The following KIAA1671 variants were observed in gnomAD, a reference collection of about 807,000 sequenced individuals.
KIAA1671 encodes KIAA1671, also known as uncharacterized protein KIAA1671.
Under a neutral mutation model 131.2 loss-of-function variants are expected in KIAA1671, and 52 were observed. The ratio of observed to expected loss-of-function variants is 0.40; its 90% CI spans 0.32 to 0.50. The LOEUF (loss-of-function observed/expected upper bound fraction) is 0.50. KIAA1671 is among the 20% of genes least tolerant of loss of function. The probability of loss-of-function intolerance (pLI) is 0.73; values close to 1 mark genes in which losing one functional copy is unlikely to be tolerated. For synonymous variants in KIAA1671, 1,003 were observed against 961.6 expected, an observed-to-expected ratio of 1.04 and a Z score of -0.80; for missense variants, 2,360 against 2,364.2, an observed-to-expected ratio of 1.00 and a Z score of 0.04.
intron 6 of KIAA1671, among the ~76,000 whole-genome samples, chr22:25,093,737 A>ACACACTCTCTCT (rs1568950992): frequency 2.7e-4 from 8 of 30,134 alleles, no homozygotes; most frequent in Non-Finnish European, 3.9e-4. Context: ...ACACACACAC[A>ACACACTCTCTCT]CTCTCTCTCT....
chr22:25,028,294 G>A lies in KIAA1671; in HGVS notation c.295G>A (p.Glu99Lys). The A allele has an allele frequency of 6.4e-7, 1 of 1,551,264 alleles. No individual in the cohort carries two copies. Among genetic ancestry groups the A allele is most frequent in the Non-Finnish European group, 8.7e-7 (1 of 1,147,016 alleles). Residue 99 changes from glutamate (E) to lysine (K), a missense_variant, in exon 3 of 13, where the codon GAG (glutamate) becomes AAG (lysine). Coordinates refer to ENST00000358431, the MANE Select transcript of KIAA1671 (RefSeq NM_001145206.2). ...ACCTTCCCCCTCTGGGGGGCTCTCTGAGGAGCCAGCAGCAAAGGATCTGGA... is the reference window on the plus strand; with the variant it reads ...ACCTTCCCCCTCTGGGGGGCTCTCTAAGGAGCCAGCAGCAAAGGATCTGGA... ...TGPSPSGGLS[E>K]EPAAKDLDNR... is the part of the protein sequence containing the mutation.
intron 6 of KIAA1671, among the ~76,000 whole-genome samples, chr22:25,122,566 A>G (rs906674335): frequency 1.3e-5 from 2 of 152,214 alleles, no homozygotes; most frequent in African/African-American, 2.4e-5. Context: ...TGCCACTTCA[A>G]TAAAGCTGTT....
chr22:25,090,871 C>T (rs780373654), intron 6 of KIAA1671, among the ~76,000 whole-genome samples: 1 of 152,182 alleles, frequency 6.6e-6, no homozygotes, highest in East Asian at 1.9e-4. Context: ...ATTGGGAATT[C>T]CATGCTGTGA....
At chr22:24,968,122 A>G (rs1173589352) in intron 1 of KIAA1671, among the ~76,000 whole-genome samples, 1 of 152,214 alleles carries the variant, frequency 6.6e-6, no homozygotes, top group Non-Finnish European at 1.5e-5. Flanking sequence ...TAATGCTTCC[A>G]AGTCCTGCCT....
At position 25,104,983 on chromosome 22, in the gene KIAA1671, C is replaced by T. The variant is rs73159927; in HGVS notation, c.4530+55619C>T. Reference sequence around the variant, plus strand: ...GAATGTTTGTTGAATGAATGAATGACCGACATATTCTGATTTCTTCTTTCT... The same window carrying T: ...GAATGTTTGTTGAATGAATGAATGATCGACATATTCTGATTTCTTCTTTCT... On this transcript the variant is annotated intron_variant, in intron 6 of 12. Transcript: ENST00000358431. 6.2e-3 allele frequency among the ~76,000 whole-genome samples: 948 copies of T among 152,200 alleles called. 7 individuals carry two copies. The highest frequency in any genetic ancestry group is 9.9e-3 in the Non-Finnish European group (674 of 67,998).
intron 6 of KIAA1671, among the ~76,000 whole-genome samples, chr22:25,093,838 G>T (rs8137989): frequency 0.018 from 346 of 19,618 alleles, 69 homozygotes; most frequent in South Asian, 0.031. Context: ...CTCTCTGTCT[G>T]TCTCTCTCTC....
intron 6 of KIAA1671, among the ~76,000 whole-genome samples, chr22:25,069,087 C>G (rs1568938941): frequency 6.6e-6 from 1 of 152,158 alleles, no homozygotes; most frequent in Non-Finnish European, 1.5e-5. Flanking sequence ...GTATTTGAAT[C>G]CCTGTCTCAC....
chr22:25,089,563 C>T (rs965035740), intron 6 of KIAA1671, among the ~76,000 whole-genome samples: 2 of 152,016 alleles, frequency 1.3e-5, no homozygotes, highest in Admixed American at 6.5e-5. Flanking sequence ...AATAAGCCAC[C>T]GCACCCGGCC....
chr22:25,062,837 C>CGGCACCT (rs1555874919), intron 6 of KIAA1671: 1 of 142,602 alleles, frequency 7.0e-6, no homozygotes, highest in Non-Finnish European at 1.5e-5. Context: ...CCCCGCCACC[C>CGGCACCT]GCCACTCCCT....
At chr22:25,132,748 C>T (rs1932499304) in intron 6 of KIAA1671, among the ~76,000 whole-genome samples, 1 of 152,164 alleles carries the variant, frequency 6.6e-6, no homozygotes, top group African/African-American at 2.4e-5. Flanking sequence ...CAGAGTTCTT[C>T]ATGGAAGCAC....
chr22:25,176,991 G>A (rs1467042976), intron 8 of KIAA1671: 6 of 199,012 alleles, frequency 3.0e-5, no homozygotes, highest in East Asian at 2.4e-4. Flanking sequence ...CATTAATTGA[G>A]CTCCTGCTGT....
chr22:25,142,707 AAT>A (rs771863136), intron 6 of KIAA1671, among the ~76,000 whole-genome samples: 1 of 152,182 alleles, frequency 6.6e-6, no homozygotes, highest in African/African-American at 2.4e-5. Flanking sequence ...CCCCGTCTCT[AAT>A]AAAAATAGAA....
intron 6 of KIAA1671, chr22:25,053,015 T>A (rs1348275374): frequency 6.6e-6 from 1 of 152,176 alleles, no homozygotes; most frequent in Non-Finnish European, 1.5e-5. Context: ...TGCACCCGGC[T>A]TATTATTATT....
chr22:25,037,566 G>A (rs1371562979), intron 4 of KIAA1671, among the ~76,000 whole-genome samples: 1 of 152,008 alleles, frequency 6.6e-6, no homozygotes, highest in African/African-American at 2.4e-5. Flanking sequence ...GTGGCATTAA[G>A]GACGTTTTCA....
intron 6 of KIAA1671, among the ~76,000 whole-genome samples, chr22:25,114,728 A>G (rs1024112523): frequency 2.0e-5 from 3 of 152,168 alleles, no homozygotes; most frequent in African/African-American, 7.2e-5. Context: ...CATCACTTCA[A>G]AGATTTTCAA....
intron 1 of KIAA1671, among the ~76,000 whole-genome samples, chr22:24,986,426 T>G (rs73395642): frequency 0.037 from 5,654 of 152,120 alleles, 332 homozygotes; most frequent in African/African-American, 0.13. Context: ...TTATGATAGT[T>G]AATACAATGT....
intron 1 of KIAA1671, among the ~76,000 whole-genome samples, chr22:25,020,305 A>G (rs1004822681): frequency 3.2e-4 from 48 of 152,314 alleles, no homozygotes; most frequent in African/African-American, 1.1e-3. Context: ...CAAGATGCAC[A>G]GTCATTTAGC....
At chr22:25,131,666 G>A (rs541057705) in intron 6 of KIAA1671, among the ~76,000 whole-genome samples, 2 of 152,390 alleles carry the variant, frequency 1.3e-5, no homozygotes, top group East Asian at 1.9e-4. Context: ...TTTGTTTGTC[G>A]TGTGGGGCAG....
At chr22:25,097,584 C>CA (rs2145890325) in intron 6 of KIAA1671, among the ~76,000 whole-genome samples, 1 of 151,894 alleles carries the variant, frequency 6.6e-6, no homozygotes, top group Admixed American at 6.6e-5. Flanking sequence ...ACTAAAAATA[C>CA]AAAAAATTAG....
Sources: allele counts gnomAD v4.1 joint callset (sites outside exome capture counted in the v4.1 genomes callset), GRCh38; gene constraint gnomAD v4.1.1; transcripts MANE v1.5; gene names NCBI Gene and HGNC (gene_info 2026-07-23, HGNC 2026-07-21).